Variants in CDK7 observed in about 807,000 individuals in gnomAD.
The protein encoded by CDK7 is cyclin dependent kinase 7.
Under a neutral mutation model 49.1 loss-of-function variants are expected in CDK7, and 25 were observed. The observed-to-expected ratio is 0.51, with a 90% CI of 0.37 to 0.71. The LOEUF (loss-of-function observed/expected upper bound fraction) is 0.71. Among genes scored for constraint, CDK7 ranks in the 30% least tolerant of loss-of-function variants. The pLI is 0.00. For synonymous variants in CDK7, 107 were observed against 140.0 expected (o/e 0.76, Z 1.67); for missense variants, 316 against 411.7 (o/e 0.77, Z 2.01).
At chr5:69,270,173 C>T (rs896627498) in intron 9 of CDK7, among the ~76,000 whole-genome samples, 4 of 151,942 alleles carry the variant, frequency 2.6e-5, no homozygotes, top group Admixed American at 6.6e-5. Flanking sequence ...CAATGGCTCA[C>T]GCCTGTAATC....
intron 2 of CDK7, chr5:69,250,620 A>G: frequency 2.3e-6 from 1 of 436,350 alleles, no homozygotes; most frequent in Middle Eastern, 6.4e-4. Context: ...ATGCCATCCA[A>G]GAGCCAAGGC....
In CDK7 at chr5:69,258,127, T is replaced by G; in HGVS notation, c.382T>G (p.Leu128Val). ...MLMTLQGLEY[L>V]HQHWILHRDL... ...GATGACTCTTCAAGGATTAGAATAT[T>G]TACATCAACATTGGATCCTACATAG... The change falls in exon 6 of 12, where the codon TTA becomes GTA. Residue 128 changes from leucine (L) to valine (V), a missense_variant. By Grantham distance (32) the Leu-to-Val change is conservative. Transcript: ENST00000256443. The G allele has an allele frequency of 1.3e-6, 2 of 1,575,824 alleles. No homozygotes were observed. Among genetic ancestry groups the G allele is most frequent in the Non-Finnish European group, 1.7e-6 (2 of 1,152,408 alleles).
rs773604212 is a variant in CDK7 at position 69,258,086 on chromosome 5, T to G, written c.341T>G (p.Ile114Ser). 2 of 1,600,360 alleles carry G rather than the reference T, an allele frequency of 1.2e-6. No individual in the cohort carries two copies. The highest frequency in any genetic ancestry group is 1.7e-4 in the Middle Eastern group (1 of 6,020). Residue 114 changes from isoleucine to serine, a missense_variant, in exon 6 of 12, where the codon ATC becomes AGC. Ile to Ser is a moderately radical substitution (Grantham distance 142, BLOSUM62 -2). Coordinates refer to ENST00000256443, the MANE Select transcript of CDK7 (RefSeq NM_001799.4). The part of the protein sequence containing the change: ...DNSLVLTPSH[I>S]KAYMLMTLQG... ...AGTCTTGTGCTGACACCATCACACA[T>G]CAAAGCCTACATGTTGATGACTCTT...
intron 2 of CDK7, among the ~76,000 whole-genome samples, chr5:69,242,901 C>T (rs1049611819): frequency 2.0e-5 from 3 of 152,048 alleles, no homozygotes; most frequent in Non-Finnish European, 4.4e-5. Flanking sequence ...CAAAATTATC[C>T]GGGCGTGGTG....
At chr5:69,254,430 G>T (rs1222694797) in intron 3 of CDK7, among the ~76,000 whole-genome samples, 172 bp from the exon 4 acceptor site, 1 of 149,998 alleles carries the variant, frequency 6.7e-6, no homozygotes, top group African/African-American at 2.5e-5. Context: ...GCTGAGGCAG[G>T]AGAATTGCTT....
At chr5:69,270,101 G>T (rs1751435259) in intron 9 of CDK7, among the ~76,000 whole-genome samples, 5 of 139,558 alleles carry the variant, frequency 3.6e-5, no homozygotes, top group Admixed American at 7.4e-5. Context: ...TTCTTATTTT[G>T]AGAATATTAT....
intron 2 of CDK7, among the ~76,000 whole-genome samples, chr5:69,240,562 G>A (rs1272983472): frequency 6.6e-6 from 1 of 152,106 alleles, no homozygotes; most frequent in Non-Finnish European, 1.5e-5. Flanking sequence ...TGGAGTAGAG[G>A]GCTTTATGAA....
intron 2 of CDK7, among the ~76,000 whole-genome samples, chr5:69,235,804 G>C (rs1209918745): frequency 6.6e-6 from 1 of 152,148 alleles, no homozygotes; most frequent in East Asian, 1.9e-4. Flanking sequence ...TGTCGTATCT[G>C]TATTTTCTGT....
At chr5:69,250,631 C>G in intron 2 of CDK7, 1 of 446,920 alleles carries the variant, frequency 2.2e-6, no homozygotes, top group South Asian at 1.6e-5. Context: ...GAGCCAAGGC[C>G]TGGATTCATG....
chr5:69,240,879 G>A (rs1316443747), intron 2 of CDK7, among the ~76,000 whole-genome samples: 1 of 152,022 alleles, frequency 6.6e-6, no homozygotes, highest in African/African-American at 2.4e-5. Context: ...TGCCTGCCTT[G>A]GCCTCCCAAA....
chr5:69,250,958 C>T (rs1052263054), intron 2 of CDK7: 2 of 449,546 alleles, frequency 4.4e-6, no homozygotes, highest in African/African-American at 2.0e-5. Flanking sequence ...AGTAGAATCG[C>T]CTGTTCTGTT....
intron 10 of CDK7, among the ~76,000 whole-genome samples, chr5:69,274,913 G>C (rs1382400721): frequency 6.6e-6 from 1 of 152,090 alleles, no homozygotes; most frequent in Non-Finnish European, 1.5e-5. Context: ...ACCCCGCCCT[G>C]CCAGAAGTAT....
Position 69,272,968 on chromosome 5 carries a change from C to T in CDK7, c.791C>T (p.Ala264Val). 4 of 1,600,942 alleles carry T rather than the reference C, an allele frequency of 2.5e-6. No individual in the cohort carries two copies. The highest frequency in any genetic ancestry group is 3.4e-6 in the Non-Finnish European group (4 of 1,172,888). ...GIPLHHIFSA[A>V]GDDLLDLIQG... ...CCTTTGCATCACATCTTCAGTGCAG[C>T]AGGAGACGACTTACTAGATCTCATA... Residue 264 changes from alanine (A) to valine (V), a missense_variant, in exon 10 of 12, where the codon GCA (alanine) becomes GTA (valine). Ala to Val is a moderately conservative substitution (Grantham distance 64). Transcript: ENST00000256443.
At position 69,252,363 on chromosome 5, in the gene CDK7, T is replaced by A; in HGVS notation, c.127-55T>A. ...AAGTATTTACACATTATTCATTGAT[T>A]CTAAATAATTTAACACATTTTTAAT... On this transcript the variant is annotated intron_variant, in intron 2 of 11. Transcript: ENST00000256443. 2.8e-6 allele frequency: 3 copies of A among 1,073,882 alleles called. No individual in the cohort carries two copies. In the South Asian group the frequency reaches 4.1e-5, roughly 15 times the overall value. The allele number at this position is 1,073,882 out of a possible 1,614,324, so 66.5% of individuals were successfully genotyped here. A position where few individuals can be genotyped will look rare whatever the true frequency, so the allele number is the denominator to read the frequency against.
chr5:69,251,166 C>T (rs1445991946), intron 2 of CDK7, among the ~76,000 whole-genome samples: 3 of 150,768 alleles, frequency 2.0e-5, no homozygotes, highest in Non-Finnish European at 3.0e-5. Context: ...GGCACGATCT[C>T]GGCTCACTGC....
In CDK7 at chr5:69,256,858, A is replaced by G. The variant is rs934576105; in HGVS notation, c.298-1185A>G. On this transcript the variant is annotated intron_variant, in intron 5 of 11. Coordinates refer to ENST00000256443, the MANE Select transcript of CDK7 (RefSeq NM_001799.4). ...TGACAGAGTGAGATTCCCATCTCGA[A>G]AAAAGAAAAAAAAAAGAAACAAAAA... 2.0e-5 allele frequency among the ~76,000 whole-genome samples: 3 copies of G among 152,092 alleles called. No homozygotes were observed. In the East Asian group the frequency reaches 5.8e-4, roughly 29 times the overall value.
intron 5 of CDK7, 42 bp from the exon 6 acceptor site, chr5:69,258,001 A>G: frequency 1.1e-6 from 1 of 935,816 alleles, no homozygotes; most frequent in Non-Finnish European, 1.7e-6. Flanking sequence ...AGTTTATTTG[A>G]AATAATAAAG....
intron 3 of CDK7, among the ~76,000 whole-genome samples, chr5:69,254,346 A>AC (rs1750341544): frequency 6.6e-6 from 1 of 151,382 alleles, no homozygotes; most frequent in South Asian, 2.1e-4. Context: ...ACATGGTGAA[A>AC]CCCCGCCTTT....
chr5:69,234,914 T>G lies in CDK7; in HGVS notation c.-62T>G. 2 of 1,510,846 alleles carry G rather than the reference T, an allele frequency of 1.3e-6. No homozygotes were observed. Among genetic ancestry groups the G allele is most frequent in the Non-Finnish European group, 1.8e-6 (2 of 1,108,588 alleles). The allele number at this position is 1,510,846 out of a possible 1,614,324, so 93.6% of individuals were successfully genotyped here. A position where few individuals can be genotyped will look rare whatever the true frequency, so the allele number is the denominator to read the frequency against. On this transcript the variant is annotated 5_prime_UTR_variant, in exon 1 of 12. Transcript: ENST00000256443. ...GGGTGTTGGAGGCTTTAAGGTAGCT[T>G]TAAATTCGTGTTGTCCTGGGAGCTC...
Sources: allele counts gnomAD v4.1 joint callset (sites outside exome capture counted in the v4.1 genomes callset), GRCh38; gene constraint gnomAD v4.1.1; transcripts MANE v1.5; gene names NCBI Gene and HGNC (gene_info 2026-07-23, HGNC 2026-07-21).